The following CEP128 variants were observed in gnomAD, a reference collection of about 807,000 sequenced individuals.
The protein encoded by CEP128 is centrosomal protein 128, also known as centrosomal protein 128kDa.
CEP128 carries 132 observed loss-of-function variants against 156.7 expected under a neutral mutation model. That is an observed-to-expected ratio of 0.84 (90% confidence interval 0.73 to 0.97). The LOEUF (loss-of-function observed/expected upper bound fraction) is 0.97, where lower values mean the gene tolerates loss of function less well. Ranked by LOEUF, CEP128 falls within the 50% of genes least tolerant of loss-of-function variation. CEP128 has a pLI of 0.00. For missense variants in CEP128, 1,252 were observed against 1,281.9 expected (o/e 0.98, Z 0.36); for synonymous variants, 469 against 448.9 (o/e 1.04, Z -0.57).
intron 19 of CEP128, among the ~76,000 whole-genome samples, chr14:80,731,364 T>C (rs1898263212): frequency 6.6e-6 from 1 of 152,224 alleles, no homozygotes. Flanking sequence ...TTAAATGGGA[T>C]TAATAACCTC....
chr14:80,669,369 G>T (rs1255274626), intron 19 of CEP128, among the ~76,000 whole-genome samples: 1 of 152,044 alleles, frequency 6.6e-6, no homozygotes, highest in Non-Finnish European at 1.5e-5. Context: ...AAAATAGTAA[G>T]TAGACAACCT....
In CEP128 at chr14:80,823,443, T is replaced by C. The variant is rs965282306; in HGVS notation, c.1209+7700A>G. On this transcript the variant is annotated intron_variant, in intron 13 of 24. Coordinates refer to ENST00000555265, the MANE Select transcript of CEP128 (RefSeq NM_152446.5). Reference sequence around the variant, plus strand: ...CCTGTTCAGAGCATCAGATGAAGACTTCATTGGGTTTTACAGTGGCTTTCT... The same window carrying C: ...CCTGTTCAGAGCATCAGATGAAGACCTCATTGGGTTTTACAGTGGCTTTCT... 3.4e-4 allele frequency among the ~76,000 whole-genome samples: 51 copies of C among 152,184 alleles called. 1 individual carries two copies. The highest frequency in any genetic ancestry group is 7.4e-5 in the Non-Finnish European group (5 of 68,026).
chr14:80,758,900 T>C (rs1899814280), intron 17 of CEP128, among the ~76,000 whole-genome samples: 1 of 152,132 alleles, frequency 6.6e-6, no homozygotes, highest in South Asian at 2.1e-4. Flanking sequence ...ACATAACTTA[T>C]CCAAGGTCAT....
intron 19 of CEP128, among the ~76,000 whole-genome samples, chr14:80,673,112 T>C (rs1192965826): frequency 6.6e-6 from 1 of 152,182 alleles, no homozygotes; most frequent in Non-Finnish European, 1.5e-5. Flanking sequence ...TTCCCTGAAA[T>C]GTATTTTAGG....
chr14:80,938,021 C>G (rs764602534), intron 2 of CEP128, among the ~76,000 whole-genome samples: 5 of 151,914 alleles, frequency 3.3e-5, no homozygotes, highest in Non-Finnish European at 7.4e-5. Context: ...CTCAGCCTCC[C>G]GAGTAGCAGG....
intron 19 of CEP128, among the ~76,000 whole-genome samples, chr14:80,598,599 T>G (rs901938202): frequency 6.6e-6 from 1 of 152,182 alleles, no homozygotes; most frequent in African/African-American, 2.4e-5. Context: ...CAATACTTTT[T>G]TGTAGCTAAC....
At chr14:80,796,146 A>C (rs1883459098) in intron 13 of CEP128, among the ~76,000 whole-genome samples, 1 of 152,178 alleles carries the variant, frequency 6.6e-6, no homozygotes, top group South Asian at 2.1e-4. Context: ...CATACTATGA[A>C]AACAGCTCTC....
chr14:80,914,338 G>C lies in CEP128; in HGVS notation c.218C>G (p.Ala73Gly), dbSNP rs116769859. The C allele has an allele frequency of 1.2e-6, 2 of 1,612,558 alleles. No individual in the cohort carries two copies. The highest frequency in any genetic ancestry group is 2.2e-5 in the South Asian group (2 of 91,010). ...GRYREYSNGQ[A>G]GAIEHLKESL... is the part of the protein sequence containing the mutation. The stretch of plus-strand genomic sequence containing the variant: ...GTTTCTCACATGTTCTATCGCACCC[G>C]CCTGTCCATTACTGTATTCTCGGTA... Residue 73 changes from alanine to glycine, a missense_variant, in exon 4 of 25, where the codon GCG becomes GGG. Transcript: ENST00000555265.
chr14:80,917,540 C>G (rs1290421031), intron 2 of CEP128, among the ~76,000 whole-genome samples: 3 of 151,828 alleles, frequency 2.0e-5, no homozygotes, highest in African/African-American at 4.8e-5. Context: ...GTTTTGTTTT[C>G]TTTTGTTTTT....
chr14:80,743,373 A>G, intron 18 of CEP128, 106 bp from the exon 19 acceptor site: 1 of 1,003,476 alleles, frequency 1.0e-6, no homozygotes, highest in African/African-American at 1.6e-5. Context: ...AATATAGATA[A>G]TTACCAAATT....
At chr14:80,893,144 T>C (rs1889182307) in intron 8 of CEP128, among the ~76,000 whole-genome samples, 1 of 151,972 alleles carries the variant, frequency 6.6e-6, no homozygotes, top group African/African-American at 2.4e-5. Flanking sequence ...TTACTCAGCC[T>C]TAAAAAAGAA....
At chr14:80,629,127 C>T (rs747149747) in intron 19 of CEP128, among the ~76,000 whole-genome samples, 7 of 144,774 alleles carry the variant, frequency 4.8e-5, no homozygotes, top group Non-Finnish European at 1.0e-4. Flanking sequence ...TTCTACAATT[C>T]ACTACTTTCT....
chr14:80,569,584 C>T (rs1891053228), intron 20 of CEP128, among the ~76,000 whole-genome samples: 1 of 152,116 alleles, frequency 6.6e-6, no homozygotes, highest in African/African-American at 2.4e-5. Context: ...TTCCATTTAC[C>T]AAATTATTTC....
At position 80,690,977 on chromosome 14, in the gene CEP128, A is replaced by G. The variant is rs1896702630; in HGVS notation, c.2806+52098T>C. Among the ~76,000 whole-genome samples the G allele has an allele frequency of 2.6e-5, 4 of 152,332 alleles. No individual in the cohort carries two copies. In the South Asian group the frequency reaches 8.3e-4, roughly 32 times the overall value. On this transcript the variant is annotated intron_variant, in intron 19 of 24. Coordinates refer to ENST00000555265, the MANE Select transcript of CEP128 (RefSeq NM_152446.5). ...TTAATAATATCTCTGATAAAATGAC[A>G]ATATTGTAATGTTTTTCCTATTCCT...
intron 13 of CEP128, among the ~76,000 whole-genome samples, chr14:80,816,247 T>G (rs1466230316): frequency 2.6e-5 from 4 of 151,832 alleles, no homozygotes; most frequent in Non-Finnish European, 5.9e-5. Context: ...TAGACAGGCA[T>G]AGTCAAAAAG....
chr14:80,867,104 T>C (rs1043927673), intron 8 of CEP128, among the ~76,000 whole-genome samples: 6 of 152,216 alleles, frequency 3.9e-5, no homozygotes, highest in African/African-American at 1.2e-4. Context: ...CTCTTTGGCA[T>C]TGCCAAACTG....
chr14:80,802,481 G>C (rs1325664037), intron 13 of CEP128, among the ~76,000 whole-genome samples: 1 of 145,956 alleles, frequency 6.9e-6, no homozygotes, highest in African/African-American at 2.5e-5. Flanking sequence ...AGTGGGAGTT[G>C]AACATTGAGA....
intron 13 of CEP128, among the ~76,000 whole-genome samples, chr14:80,809,893 A>C (rs1884404930): frequency 6.6e-6 from 1 of 152,214 alleles, no homozygotes; most frequent in African/African-American, 2.4e-5. Flanking sequence ...CCACAATGAA[A>C]ACACATGAAG....
At chr14:80,558,079 A>G (rs969444990) in intron 21 of CEP128, among the ~76,000 whole-genome samples, 4 of 152,174 alleles carry the variant, frequency 2.6e-5, no homozygotes, top group African/African-American at 4.8e-5. Context: ...ATTAAAATCT[A>G]TAATTCTTAT....
Sources: allele counts gnomAD v4.1 joint callset (sites outside exome capture counted in the v4.1 genomes callset), GRCh38; gene constraint gnomAD v4.1.1; transcripts MANE v1.5; gene names NCBI Gene and HGNC (gene_info 2026-07-23, HGNC 2026-07-21).